ENTHD1: variants seen among roughly 807,000 people sequenced by gnomAD.
The protein encoded by ENTHD1 is ENTH domain containing 1.
In ENTHD1, 23 loss-of-function variants were observed where a neutral mutation model predicts 39.1. That is an observed-to-expected ratio of 0.59 (90% CI 0.42 to 0.83). The LOEUF (loss-of-function observed/expected upper bound fraction) is 0.83. Among genes scored for constraint, ENTHD1 ranks in the 40% least tolerant of loss-of-function variants. ENTHD1 has a pLI of 0.00. For missense variants in ENTHD1, 624 were observed against 705.4 expected (o/e 0.88, Z 1.31); for synonymous variants, 230 against 258.2 (o/e 0.89, Z 1.05).
intron 6 of ENTHD1, among the ~76,000 whole-genome samples, chr22:39,762,986 T>A (rs191247754): frequency 1.2e-4 from 19 of 152,150 alleles, no homozygotes; most frequent in Admixed American, 9.8e-4. Context: ...CAATGAAAAA[T>A]TTTAAGAGCT....
intron 3 of ENTHD1, among the ~76,000 whole-genome samples, chr22:39,845,428 C>G (rs143376815): frequency 2.6e-4 from 40 of 152,222 alleles, no homozygotes; most frequent in Non-Finnish European, 4.7e-4. Flanking sequence ...GCCTAAGCAT[C>G]AGCAAGATGT....
chr22:39,758,466 C>T (rs1406025286), intron 6 of ENTHD1, among the ~76,000 whole-genome samples: 2 of 152,130 alleles, frequency 1.3e-5, no homozygotes, highest in East Asian at 3.9e-4. Context: ...GCTCTGTTGC[C>T]CAGGCTGGGG....
At chr22:39,801,712 A>G (rs972114677) in intron 5 of ENTHD1, among the ~76,000 whole-genome samples, 2 of 152,208 alleles carry the variant, frequency 1.3e-5, no homozygotes, top group Non-Finnish European at 2.9e-5. Context: ...TTGAGCTGTA[A>G]TCAGAAACAT....
chr22:39,756,342 A>ACACG (rs1555921091), intron 6 of ENTHD1, among the ~76,000 whole-genome samples: 2 of 147,850 alleles, frequency 1.4e-5, no homozygotes, highest in African/African-American at 5.1e-5. Flanking sequence ...ACACACACGC[A>ACACG]CACACTTTTT....
At chr22:39,814,230 AG>A (rs1298810920) in intron 5 of ENTHD1, among the ~76,000 whole-genome samples, 1 of 151,334 alleles carries the variant, frequency 6.6e-6, no homozygotes, top group Non-Finnish European at 1.5e-5. Flanking sequence ...AGGCTGAGAC[AG>A]GCAGATCCTT....
intron 6 of ENTHD1, among the ~76,000 whole-genome samples, chr22:39,763,382 G>T (rs2065250897): frequency 6.6e-6 from 1 of 152,138 alleles, no homozygotes; most frequent in Admixed American, 6.5e-5. Flanking sequence ...AAGGTTTTAG[G>T]ATTTCTTCTC....
At chr22:39,873,108 A>G (rs1286460237) in intron 2 of ENTHD1, among the ~76,000 whole-genome samples, 1 of 152,112 alleles carries the variant, frequency 6.6e-6, no homozygotes, top group Non-Finnish European at 1.5e-5. Flanking sequence ...CACCACACTC[A>G]GCCTAACATA....
intron 2 of ENTHD1, among the ~76,000 whole-genome samples, chr22:39,879,118 A>G (rs915777407): frequency 3.3e-5 from 5 of 152,116 alleles, no homozygotes; most frequent in African/African-American, 1.2e-4. Context: ...CAGTAAAAAC[A>G]AACAACCTGA....
intron 2 of ENTHD1, among the ~76,000 whole-genome samples, chr22:39,877,122 T>G (rs1418495472): frequency 5.9e-5 from 9 of 152,226 alleles, no homozygotes; most frequent in Non-Finnish European, 1.2e-4. Flanking sequence ...TGCCCACTCC[T>G]GTGAGGTTGA....
Position 39,753,919 on chromosome 22 carries a change from C to T in ENTHD1, c.1220-9636G>A, listed in dbSNP as rs1039423988. 5.4e-4 allele frequency among the ~76,000 whole-genome samples: 82 copies of T among 152,138 alleles called. 1 individual carries two copies. Among genetic ancestry groups the T allele is most frequent in the Admixed American group, 5.3e-3 (81 of 15,264 alleles). On this transcript the variant is annotated intron_variant, in intron 6 of 6. Coordinates refer to ENST00000325157, the MANE Select transcript of ENTHD1 (RefSeq NM_152512.4). ...CTGAGAGAACAGATGCAACGAAAAT[C>T]CTCTTATTTTCTCCCACTCTATCAA... is the stretch of plus-strand genomic sequence containing the variant.
chr22:39,850,865 CT>C (rs2066030756), intron 3 of ENTHD1, among the ~76,000 whole-genome samples: 1 of 152,124 alleles, frequency 6.6e-6, no homozygotes, highest in Non-Finnish European at 1.5e-5. Flanking sequence ...TTTTTCTTAA[CT>C]CAAAAATTAG....
intron 5 of ENTHD1, among the ~76,000 whole-genome samples, chr22:39,782,144 G>T (rs1011163827): frequency 6.6e-6 from 1 of 151,990 alleles, no homozygotes; most frequent in Admixed American, 6.6e-5. Flanking sequence ...AAAATTATCT[G>T]GGCATGGTGG....
At chr22:39,810,533 C>T (rs2065677169) in intron 5 of ENTHD1, among the ~76,000 whole-genome samples, 1 of 152,116 alleles carries the variant, frequency 6.6e-6, no homozygotes, top group African/African-American at 2.4e-5. Context: ...ATAATTATAC[C>T]ACTTCCCCTC....
intron 3 of ENTHD1, among the ~76,000 whole-genome samples, chr22:39,854,138 G>T (rs1294473708): frequency 6.6e-6 from 1 of 152,178 alleles, no homozygotes; most frequent in African/African-American, 2.4e-5. Flanking sequence ...TCCTTGGGAA[G>T]TGGGAGAAAA....
chr22:39,789,682 A>C (rs1416036858), intron 5 of ENTHD1, among the ~76,000 whole-genome samples: 1 of 152,228 alleles, frequency 6.6e-6, no homozygotes, highest in Non-Finnish European at 1.5e-5. Flanking sequence ...AAAAAGACAA[A>C]GTCTTTGCCC....
At chr22:39,781,493 A>G (rs370682911) in intron 5 of ENTHD1, among the ~76,000 whole-genome samples, 3 of 152,140 alleles carry the variant, frequency 2.0e-5, no homozygotes, top group Admixed American at 6.5e-5. Flanking sequence ...ATGAAAATCT[A>G]TGGGATACAG....
chr22:39,809,703 C>G (rs932204858), intron 5 of ENTHD1, among the ~76,000 whole-genome samples: 1 of 152,128 alleles, frequency 6.6e-6, no homozygotes, highest in Non-Finnish European at 1.5e-5. Flanking sequence ...CTCTGAAGAG[C>G]TCTGTAGTGG....
Position 39,809,065 on chromosome 22 carries a change from G to A in ENTHD1, c.832+11928C>T, listed in dbSNP as rs183610420. 1.5e-3 allele frequency among the ~76,000 whole-genome samples: 223 copies of A among 152,314 alleles called. 1 individual carries two copies. Among genetic ancestry groups the A allele is most frequent in the Admixed American group, 4.6e-3 (71 of 15,308 alleles). On this transcript the variant is annotated intron_variant, in intron 5 of 6. Transcript: ENST00000325157. The stretch of plus-strand genomic sequence containing the variant: ...TTTGAGGCACACTTTGCAATGCTCT[G>A]ATGATTGATATAAAGACACTTTTAA...
intron 6 of ENTHD1, among the ~76,000 whole-genome samples, chr22:39,763,416 C>CA (rs1276141634): frequency 1.3e-5 from 2 of 152,162 alleles, no homozygotes; most frequent in African/African-American, 2.4e-5. Flanking sequence ...CTCTGGAATA[C>CA]AGGCCCTTCA....
Sources: allele counts gnomAD v4.1 joint callset (sites outside exome capture counted in the v4.1 genomes callset), GRCh38; gene constraint gnomAD v4.1.1; transcripts MANE v1.5; gene names NCBI Gene and HGNC (gene_info 2026-07-23, HGNC 2026-07-21).